Variants in LRP12 observed in about 807,000 individuals in gnomAD.
LRP12 encodes the protein LDL receptor related protein 12, also known as low-density lipoprotein receptor-related protein 12.
A neutral mutation model predicts 66.0 loss-of-function variants in LRP12; 14 were observed. The observed-to-expected ratio is 0.21, with a 90% CI of 0.14 to 0.33. The LOEUF (loss-of-function observed/expected upper bound fraction) is 0.33, where lower values mean the gene tolerates loss of function less well. LRP12 is among the 10% of genes least tolerant of loss of function. LRP12 has a pLI of 1.00. For missense variants in LRP12, 889 were observed against 1,053.4 expected (o/e 0.84, Z 2.16); for synonymous variants, 357 against 359.1 (o/e 0.99, Z 0.07).
chr8:104,586,356 A>G (rs964738257), intron 1 of LRP12, among the ~76,000 whole-genome samples: 10 of 152,218 alleles, frequency 6.6e-5, no homozygotes, highest in South Asian at 2.1e-4. Flanking sequence ...CCTTAGAGTC[A>G]TTTCATTTAA....
chr8:104,556,772 C>A (rs1225512920), intron 1 of LRP12, among the ~76,000 whole-genome samples: 1 of 152,068 alleles, frequency 6.6e-6, no homozygotes, highest in Non-Finnish European at 1.5e-5. Flanking sequence ...TATGAAGCCA[C>A]CAGCATCACC....
intron 1 of LRP12, 76 bp downstream of exon 1, chr8:104,588,743 C>A: frequency 7.5e-7 from 1 of 1,328,708 alleles, no homozygotes; most frequent in Non-Finnish European, 1.1e-6. Context: ...CAGGGGAACC[C>A]CCGTCCTGGA....
At chr8:104,563,436 T>C (rs1024315437) in intron 1 of LRP12, among the ~76,000 whole-genome samples, 4 of 152,106 alleles carry the variant, frequency 2.6e-5, no homozygotes, top group Non-Finnish European at 4.4e-5. Context: ...TCTTACTATA[T>C]TATATATTTG....
chr8:104,565,832 G>A (rs1811990967), intron 1 of LRP12, among the ~76,000 whole-genome samples: 1 of 147,978 alleles, frequency 6.8e-6, no homozygotes, highest in African/African-American at 2.5e-5. Flanking sequence ...CTGCACTCCA[G>A]CCTCAGCGAC....
At chr8:104,539,245 T>C (rs1190368364) in intron 1 of LRP12, among the ~76,000 whole-genome samples, 1 of 152,140 alleles carries the variant, frequency 6.6e-6, no homozygotes, top group East Asian at 1.9e-4. Context: ...GATAATGGCA[T>C]GGCACTTATA....
intron 2 of LRP12, among the ~76,000 whole-genome samples, chr8:104,526,840 A>G (rs1811246918): frequency 6.9e-6 from 1 of 144,264 alleles, no homozygotes; most frequent in South Asian, 2.2e-4. Context: ...ATGGGATCTA[A>G]TTAAACTAAA....
At position 104,588,970 on chromosome 8, in the gene LRP12, A is replaced by ACGCCGC. The variant is rs879237391; in HGVS notation, c.-79_-74dup. The ACGCCGC allele has an allele frequency of 8.2e-3, 4,870 of 596,100 alleles. 73 individuals are homozygous for ACGCCGC. Among genetic ancestry groups the ACGCCGC allele is most frequent in the African/African-American group, 0.032 (1,304 of 40,522 alleles). The allele number at this position is 596,100 out of a possible 1,614,324, so 36.9% of individuals were successfully genotyped here. On this transcript the variant is annotated 5_prime_UTR_variant, in exon 1 of 7. Coordinates refer to ENST00000276654, the MANE Select transcript of LRP12 (RefSeq NM_013437.5). ...GAGAAGCTGGAGGTAGACGACGCCG[A>ACGCCGC]CGCCGCCGCCGCCGCCGCCGCCGCC...
chr8:104,556,098 A>C (rs1242589464), intron 1 of LRP12, among the ~76,000 whole-genome samples: 6 of 152,116 alleles, frequency 3.9e-5, no homozygotes, highest in African/African-American at 1.2e-4. Context: ...AAATTTAAAA[A>C]TTATTTGAAT....
rs1330031643 is a variant in LRP12, at chr8:104,550,145, T to C, written c.80-18182A>G. Among the ~76,000 whole-genome samples the C allele has an allele frequency of 2.0e-5, 3 of 152,280 alleles. No individual in the cohort carries two copies. In the East Asian group the frequency reaches 5.8e-4, roughly 29 times the overall value. On this transcript the variant is annotated intron_variant, in intron 1 of 6. Transcript: ENST00000276654. ...CACTGTAGTCGGTACTTTTCATACATCATTACTAATTCTTACAGCACCCCT... is the reference window on the plus strand; with the variant it reads ...CACTGTAGTCGGTACTTTTCATACACCATTACTAATTCTTACAGCACCCCT...
At chr8:104,572,649 A>G (rs1443764582) in intron 1 of LRP12, among the ~76,000 whole-genome samples, 1 of 151,980 alleles carries the variant, frequency 6.6e-6, no homozygotes, top group African/African-American at 2.4e-5. Flanking sequence ...TCACGGATGT[A>G]GAAAATATTT....
At chr8:104,581,889 T>C (rs1441027938) in intron 1 of LRP12, among the ~76,000 whole-genome samples, 1 of 152,248 alleles carries the variant, frequency 6.6e-6, no homozygotes, top group Non-Finnish European at 1.5e-5. Flanking sequence ...TGGCATTTTT[T>C]GTATAGGTGT....
Position 104,495,129 on chromosome 8 carries a change from G to A in LRP12, c.1661C>T (p.Ala554Val). 1.2e-6 allele frequency: 2 copies of A among 1,613,752 alleles called. No homozygotes were observed. Among genetic ancestry groups the A allele is most frequent in the Non-Finnish European group, 8.5e-7 (1 of 1,179,734 alleles). The change falls in exon 6 of 7, where the codon GCT (alanine) becomes GTT (valine). Residue 554 changes from alanine to valine, a missense_variant. Around this residue, in one of 3 missense-constraint regions of LRP12, gnomAD observed 800 missense variants for 964.5 expected, o/e 0.83. Transcript: ENST00000276654. ...EAPPSYGQLIAQGLIPPVEDF... is the reference protein window; with the variant it reads ...EAPPSYGQLIVQGLIPPVEDF... ...TTCAACTGGTGGAATTAAACCCTGA[G>A]CAATCAATTGTCCATACGAGGGAGG...
At chr8:104,512,930 TAATCAA>T (rs1811018859) in intron 2 of LRP12, among the ~76,000 whole-genome samples, 1 of 152,202 alleles carries the variant, frequency 6.6e-6, no homozygotes, top group African/African-American at 2.4e-5. Flanking sequence ...TGATTCTTCC[TAATCAA>T]AAACAAAACC....
chr8:104,587,564 T>A (rs746253905), intron 1 of LRP12, among the ~76,000 whole-genome samples: 2 of 152,196 alleles, frequency 1.3e-5, no homozygotes, highest in African/African-American at 4.8e-5. Context: ...CATCCTTAAT[T>A]GTACCAAAAA....
At chr8:104,498,942 T>A (rs980806199) in intron 4 of LRP12, among the ~76,000 whole-genome samples, 2 of 152,142 alleles carry the variant, frequency 1.3e-5, no homozygotes, top group African/African-American at 4.8e-5. Context: ...ACTATGAAGG[T>A]GAAATTTGTT....
At chr8:104,561,175 T>C (rs996735527) in intron 1 of LRP12, among the ~76,000 whole-genome samples, 2 of 152,180 alleles carry the variant, frequency 1.3e-5, no homozygotes, top group African/African-American at 4.8e-5. Context: ...AAAACAGTCA[T>C]TAGGTAGAAT....
chr8:104,550,177 T>C (rs558864459), intron 1 of LRP12, among the ~76,000 whole-genome samples: 3 of 152,090 alleles, frequency 2.0e-5, no homozygotes, highest in Non-Finnish European at 4.4e-5. Flanking sequence ...CCCTCTAAAA[T>C]AGATACTATT....
At chr8:104,505,347 A>C (rs1810891359) in intron 3 of LRP12, 1 of 148,130 alleles carries the variant, frequency 6.8e-6, no homozygotes, top group Non-Finnish European at 1.5e-5. Context: ...GTTTTGTTTT[A>C]GATGTGTTAC....
chr8:104,514,094 C>T (rs889635498), intron 2 of LRP12, among the ~76,000 whole-genome samples: 9 of 152,092 alleles, frequency 5.9e-5, no homozygotes, highest in Admixed American at 4.6e-4. Context: ...ATAAGTTAGG[C>T]CTCACAGAGA....
Sources: allele counts gnomAD v4.1 joint callset (sites outside exome capture counted in the v4.1 genomes callset), GRCh38; gene constraint gnomAD v4.1.1; regional missense constraint gnomAD v4.1.1; transcripts MANE v1.5; gene names NCBI Gene and HGNC (gene_info 2026-07-23, HGNC 2026-07-21).